The following CEP128 variants were observed in gnomAD, a reference collection of about 807,000 sequenced individuals.
The protein encoded by CEP128 is centrosomal protein 128kDa.
Under a neutral mutation model 156.7 loss-of-function variants are expected in CEP128, and 132 were observed. The observed-to-expected ratio is 0.84, with a 90% CI of 0.73 to 0.97. CEP128 has a LOEUF of 0.97. CEP128 is among the 50% of genes least tolerant of loss of function. CEP128 has a pLI of 0.00. For missense variants in CEP128, 1,252 were observed against 1,281.9 expected (o/e 0.98, Z 0.36); for synonymous variants, 469 against 448.9 (o/e 1.04, Z -0.57).
intron 9 of CEP128, among the ~76,000 whole-genome samples, chr14:80,843,581 C>T (rs970425808): frequency 1.3e-5 from 2 of 151,906 alleles, no homozygotes; most frequent in East Asian, 3.8e-4. Context: ...AATAGTTGTT[C>T]TTACTATATT....
At chr14:80,749,827 C>A (rs1595343483) in intron 18 of CEP128, among the ~76,000 whole-genome samples, 1 of 152,172 alleles carries the variant, frequency 6.6e-6, no homozygotes, top group East Asian at 1.9e-4. Flanking sequence ...ATCCCTTTTA[C>A]AATGATGTGA....
chr14:80,629,068 C>A (rs926836010), intron 19 of CEP128, among the ~76,000 whole-genome samples: 6 of 136,766 alleles, frequency 4.4e-5, no homozygotes, highest in Non-Finnish European at 6.3e-5. Context: ...AAAAAAAAAA[C>A]AAACGGGTTT....
At chr14:80,604,677 T>C (rs893353291) in intron 19 of CEP128, among the ~76,000 whole-genome samples, 7 of 152,146 alleles carry the variant, frequency 4.6e-5, no homozygotes, top group Admixed American at 4.6e-4. Flanking sequence ...CTGTTTCTGT[T>C]TCCAGATCGC....
At chr14:80,509,980 A>G (rs1327383615) in intron 23 of CEP128, among the ~76,000 whole-genome samples, 1 of 152,048 alleles carries the variant, frequency 6.6e-6, no homozygotes, top group Non-Finnish European at 1.5e-5. Context: ...CCATTGGTCT[A>G]TGTGTCTGTT....
chr14:80,663,762 A>G (rs1420339174), intron 19 of CEP128, among the ~76,000 whole-genome samples: 1 of 152,196 alleles, frequency 6.6e-6, no homozygotes, highest in Non-Finnish European at 1.5e-5. Flanking sequence ...GCAGCCAGAG[A>G]GCTAGGAAAC....
intron 13 of CEP128, among the ~76,000 whole-genome samples, chr14:80,808,536 C>A (rs1217502786): frequency 6.6e-6 from 1 of 152,084 alleles, no homozygotes; most frequent in African/African-American, 2.4e-5. Context: ...AACACAATCA[C>A]CAACCTGGAC....
chr14:80,947,538 A>G (rs2139653017), intron 2 of CEP128, among the ~76,000 whole-genome samples: 1 of 152,332 alleles, frequency 6.6e-6, no homozygotes, highest in South Asian at 2.1e-4. Context: ...ACAACACAGC[A>G]TTAAACTAAG....
intron 20 of CEP128, among the ~76,000 whole-genome samples, chr14:80,574,452 T>C (rs1891272067): frequency 6.6e-6 from 1 of 152,178 alleles, no homozygotes; most frequent in Non-Finnish European, 1.5e-5. Context: ...GCCCAGTTTC[T>C]CACACGGTTT....
At chr14:80,860,186 A>G (rs1887446524) in intron 9 of CEP128, among the ~76,000 whole-genome samples, 2 of 152,214 alleles carry the variant, frequency 1.3e-5, no homozygotes, top group Admixed American at 6.5e-5. Context: ...GCCATTTAAC[A>G]TGGGAGCAGG....
intron 19 of CEP128, among the ~76,000 whole-genome samples, chr14:80,633,745 T>C (rs894858724): frequency 6.6e-6 from 1 of 152,188 alleles, no homozygotes; most frequent in Non-Finnish European, 1.5e-5. Context: ...GCATAGCTCA[T>C]TGTCTGGTTC....
chr14:80,942,290 T>G (rs773069782), upstream of CEP128: 2 of 152,128 alleles, frequency 1.3e-5, no homozygotes, highest in Non-Finnish European at 2.9e-5. Context: ...TTGCCTAAGA[T>G]CATATGGCTT....
chr14:80,591,837 T>A (rs2140488076), intron 19 of CEP128, among the ~76,000 whole-genome samples: 1 of 152,222 alleles, frequency 6.6e-6, no homozygotes, highest in South Asian at 2.1e-4. Flanking sequence ...AAATTAGAAC[T>A]CAGGATTAAG....
At chr14:80,559,212 C>A in intron 21 of CEP128, 67 bp downstream of exon 21, 2 of 1,326,514 alleles carry the variant, frequency 1.5e-6, no homozygotes, top group Non-Finnish European at 2.1e-6. Flanking sequence ...CTTTGGTGTG[C>A]TGTGAAATCC....
intron 13 of CEP128, among the ~76,000 whole-genome samples, chr14:80,797,365 T>C (rs1292304720): frequency 2.0e-5 from 3 of 152,212 alleles, no homozygotes; most frequent in Middle Eastern, 3.2e-3. Context: ...TGAGTGTAAA[T>C]GAACAGAAAA....
chr14:80,777,115 CA>C (rs1188802133), intron 16 of CEP128, among the ~76,000 whole-genome samples: 1 of 152,104 alleles, frequency 6.6e-6, no homozygotes, highest in African/African-American at 2.4e-5. Flanking sequence ...TTTTGTCACT[CA>C]AAAGGGAGCA....
intron 19 of CEP128, among the ~76,000 whole-genome samples, chr14:80,673,184 T>G (rs1235887674): frequency 6.6e-6 from 1 of 152,216 alleles, no homozygotes; most frequent in East Asian, 1.9e-4. Flanking sequence ...ATTTACATAA[T>G]TGTAAAGCAT....
At chr14:80,812,022 G>C (rs908730823) in intron 13 of CEP128, among the ~76,000 whole-genome samples, 2 of 152,110 alleles carry the variant, frequency 1.3e-5, no homozygotes, top group Non-Finnish European at 2.9e-5. Context: ...CCAATATATA[G>C]TTTTAGTTTT....
At chr14:80,619,707 T>A (rs11626602) in intron 19 of CEP128, among the ~76,000 whole-genome samples, 7,012 of 99,270 alleles carry the variant, frequency 0.071, 236 homozygotes, top group South Asian at 0.11. Context: ...TGTCTCAAGT[T>A]AAAAAAAAAA....
intron 9 of CEP128, among the ~76,000 whole-genome samples, chr14:80,853,037 G>A (rs1886971339): frequency 6.6e-6 from 1 of 151,738 alleles, no homozygotes; most frequent in African/African-American, 2.4e-5. Context: ...AATACCCAAA[G>A]TTAAGTGCAC....
Sources: gnomAD v4.1 joint callset for allele counts (sites outside exome capture counted in the v4.1 genomes callset) on GRCh38, gnomAD v4.1.1 for gene constraint, MANE v1.5 for transcripts, NCBI Gene and HGNC (gene_info 2026-07-23, HGNC 2026-07-21) for gene names.